MTTP: variants seen among roughly 807,000 people sequenced by gnomAD.
MTTP encodes the protein microsomal triglyceride transfer protein.
In MTTP, 49 loss-of-function variants were observed where a neutral mutation model predicts 90.6. That is an observed-to-expected ratio of 0.54 (90% confidence interval 0.43 to 0.69). MTTP has a LOEUF of 0.69. Among genes scored for constraint, MTTP ranks in the 30% least tolerant of loss-of-function variants. MTTP has a pLI of 0.00. For synonymous variants in MTTP, 347 were observed against 384.2 expected, an observed-to-expected ratio of 0.90 and a Z score of 1.13; for missense variants, 945 against 1,067.5, an observed-to-expected ratio of 0.89 and a Z score of 1.60.
chr4:99,608,643 G>A (rs1725877141), intron 11 of MTTP, 123 bp from the exon 12 acceptor site: 1 of 814,366 alleles, frequency 1.2e-6, no homozygotes, highest in Non-Finnish European at 2.1e-6. Context: ...AAATCACAAA[G>A]GAATCTGGGA....
In MTTP at chr4:99,591,844, T is replaced by C; in HGVS notation, c.758+54T>C. 2.1e-6 allele frequency: 3 copies of C among 1,449,234 alleles called. No individual in the cohort carries two copies. In the South Asian group the frequency reaches 3.6e-5, roughly 17 times the overall value. 89.8% of individuals were successfully genotyped at this position (1,449,234 alleles called of 1,614,324 possible). A position where few individuals can be genotyped will look rare whatever the true frequency, so the allele number is the denominator to read the frequency against. ...TTTGCTATTCTTTGTTATATTATTATACTTGATTTGTAAATAGATCTGTGT... is the reference window on the plus strand; with the variant it reads ...TTTGCTATTCTTTGTTATATTATTACACTTGATTTGTAAATAGATCTGTGT... On this transcript the variant is annotated intron_variant, in intron 6 of 17. Transcript: ENST00000265517.
chr4:99,578,480 C>T (rs1195751351), intron 1 of MTTP, among the ~76,000 whole-genome samples: 1 of 152,204 alleles, frequency 6.6e-6, no homozygotes, highest in Non-Finnish European at 1.5e-5. Flanking sequence ...CACTCTAGCA[C>T]AGTCCACCTT....
chr4:99,616,145 G>A (rs1016088749), intron 15 of MTTP, among the ~76,000 whole-genome samples: 5 of 152,192 alleles, frequency 3.3e-5, no homozygotes, highest in Non-Finnish European at 7.3e-5. Context: ...TGTAATCCCA[G>A]CACTTTGGGT....
In MTTP at chr4:99,612,979, C is replaced by T. The variant is rs781286289; in HGVS notation, c.2056C>T (p.Leu686Phe). 1.9e-6 allele frequency: 3 copies of T among 1,614,046 alleles called. No individual in the cohort carries two copies. Among genetic ancestry groups the T allele is most frequent in the South Asian group, 1.1e-5 (1 of 91,082 alleles). ...CACCCCTGACGAGGGGGAGGAGAAC[C>T]TTGACTCCTATGCTGGTATGTCAGC... ...AATPDEGEENLDSYAGMSAIL... is the reference protein window; with the variant it reads ...AATPDEGEENFDSYAGMSAIL... Residue 686 changes from leucine to phenylalanine, a missense_variant, in exon 15 of 18, where the codon CTT becomes TTT. Leu to Phe is a conservative substitution (Grantham distance 22). Coordinates refer to ENST00000265517, the MANE Select transcript of MTTP (RefSeq NM_001386140.1).
rs2110238174 is a variant in MTTP, at chr4:99,620,965, G to C, written c.2343-96G>C. 4 of 1,161,830 alleles carry C rather than the reference G, an allele frequency of 3.4e-6. No individual in the cohort carries two copies. In the East Asian group the frequency reaches 1.0e-4, roughly 29 times the overall value. The allele number at this position is 1,161,830 out of a possible 1,614,324, so 72.0% of individuals were successfully genotyped here. ...CTTAAGTGTTTCCTTCCAGTCACTG[G>C]CATCATACGTTCAGACCCTGTAAAG... is the stretch of plus-strand genomic sequence containing the variant. On this transcript the variant is annotated intron_variant, in intron 16 of 17. Coordinates refer to ENST00000265517, the MANE Select transcript of MTTP (RefSeq NM_001386140.1).
rs757430483 is a variant in MTTP at position 99,601,721 on chromosome 4, G to A, written c.1344+7G>A. On this transcript the variant is annotated splice_region_variant and intron_variant, in intron 10 of 17. Transcript: ENST00000265517. ...TGAAGGCTGCAAACTCAAAGTAAGT[G>A]CAAATCCAATCTCATGTATTACATC... 2 of 1,593,964 alleles carry A rather than the reference G, an allele frequency of 1.3e-6. No individual in the cohort carries two copies. The highest frequency in any genetic ancestry group is 1.1e-5 in the South Asian group (1 of 90,720).
Position 99,611,437 on chromosome 4 carries a change from G to C in MTTP, c.1973G>C (p.Gly658Ala), listed in dbSNP as rs751863175. Residue 658 changes from glycine to alanine, a missense_variant, in exon 14 of 18, where the codon GGT (glycine) becomes GCT (alanine). Coordinates refer to ENST00000265517, the MANE Select transcript of MTTP (RefSeq NM_001386140.1). ...ATCTTTCAGTACATTGGGAAGGCTGGTCTTCACGGTAGCCAGGTAACTCAC... is the reference window on the plus strand; with the variant it reads ...ATCTTTCAGTACATTGGGAAGGCTGCTCTTCACGGTAGCCAGGTAACTCAC... ...LNIFQYIGKA[G>A]LHGSQVVIEA... 4 of 1,614,084 alleles carry C rather than the reference G, an allele frequency of 2.5e-6. No homozygotes were observed. The Admixed American group carries it at 6.7e-5, about 27-fold the overall frequency.
At chr4:99,619,214 T>C (rs1375688087) in intron 16 of MTTP, 116 bp downstream of exon 16, 1 of 1,022,138 alleles carries the variant, frequency 9.8e-7, no homozygotes, top group Non-Finnish European at 1.5e-6. Flanking sequence ...GCTTTCTATT[T>C]GGAATTATAA....
chr4:99,589,500 A>G, intron 3 of MTTP, 143 bp from the exon 4 acceptor site: 1 of 661,626 alleles, frequency 1.5e-6, no homozygotes, highest in South Asian at 1.6e-5. Context: ...TTTTCACAAA[A>G]AGGAAATTCC....
At chr4:99,619,162 A>T in intron 16 of MTTP, 64 bp downstream of exon 16, 8 of 1,451,766 alleles carry the variant, frequency 5.5e-6, no homozygotes, top group Non-Finnish European at 7.7e-6. Flanking sequence ...GAACTTCCGA[A>T]ATATGTTTTG....
intron 3 of MTTP, among the ~76,000 whole-genome samples, chr4:99,585,297 T>C (rs930934180): frequency 2.6e-5 from 4 of 152,132 alleles, no homozygotes; most frequent in Non-Finnish European, 5.9e-5. Flanking sequence ...ATCAACCTCT[T>C]GTGATAGATG....
intron 3 of MTTP, among the ~76,000 whole-genome samples, chr4:99,585,918 T>G (rs1254337729): frequency 1.3e-5 from 2 of 152,168 alleles, no homozygotes; most frequent in East Asian, 3.9e-4. Flanking sequence ...CATGTCACTG[T>G]CAGAAAGATC....
chr4:99,572,811 T>A (rs1724868679), upstream of MTTP, among the ~76,000 whole-genome samples: 1 of 152,110 alleles, frequency 6.6e-6, no homozygotes, highest in South Asian at 2.1e-4. Context: ...GCTTTGGCAT[T>A]CTTATGTCAT....
rs375598284 is a variant in MTTP, at chr4:99,606,997, G to GA, written c.1557+48dup. ...AAGAATATTTGCAACATTTACAGAA[G>GA]AAAAAAAAAAAGCATGCTGAACATG... On this transcript the variant is annotated intron_variant, in intron 11 of 17. Coordinates refer to ENST00000265517, the MANE Select transcript of MTTP (RefSeq NM_001386140.1). 0.073 allele frequency: 79,058 copies of GA among 1,076,658 alleles called. 231 individuals are homozygous for GA. Among genetic ancestry groups the GA allele is most frequent in the Middle Eastern group, 0.15 (652 of 4,442 alleles). The allele number at this position is 1,076,658 out of a possible 1,614,324, so 66.7% of individuals were successfully genotyped here.
rs545365701 is a variant in MTTP, at chr4:99,623,283, GA to G, written c.*454del. ...AAAACCAAACACGTTCCCTAATCAG[GA>G]AAAAAAAAAAAAAAAAAAGTAAGAC... On this transcript the variant is annotated 3_prime_UTR_variant, in exon 18 of 18. Coordinates refer to ENST00000265517, the MANE Select transcript of MTTP (RefSeq NM_001386140.1). 1,003 of 103,952 alleles carry G rather than the reference GA, an allele frequency of 9.6e-3. 4 individuals are homozygous for G. Among genetic ancestry groups the G allele is most frequent in the African/African-American group, 0.021 (586 of 27,910 alleles). The allele number at this position is 103,952 out of a possible 1,614,324, so 6.4% of individuals were successfully genotyped here. A position where few individuals can be genotyped will look rare whatever the true frequency, so the allele number is the denominator to read the frequency against.
At chr4:99,566,078 A>G (rs1363212327) in intron 1 of MTTP, among the ~76,000 whole-genome samples, 4 of 151,884 alleles carry the variant, frequency 2.6e-5, no homozygotes, top group African/African-American at 9.7e-5. Flanking sequence ...TCACGAGGTC[A>G]GGAGATCAAG....
chr4:99,623,822 G>A lies in MTTP; in HGVS notation c.*974G>A, dbSNP rs1726305227. The A allele has an allele frequency of 6.6e-6, 1 of 152,096 alleles. No homozygotes were observed. The highest frequency in any genetic ancestry group is 1.5e-5 in the Non-Finnish European group (1 of 68,014). The allele number at this position is 152,096 out of a possible 1,614,324, so 9.4% of individuals were successfully genotyped here. A position where few individuals can be genotyped will look rare whatever the true frequency, so the allele number is the denominator to read the frequency against. On this transcript the variant is annotated 3_prime_UTR_variant, in exon 18 of 18. Coordinates refer to ENST00000265517, the MANE Select transcript of MTTP (RefSeq NM_001386140.1). ...ATGTTTTTATTTGTATGAATTAAAA[G>A]ATCCATGTTGAACATTTGCAAATAT... is the stretch of plus-strand genomic sequence containing the variant.
Position 99,594,735 on chromosome 4 carries a change from A to G in MTTP, c.761A>G (p.Gln254Arg), listed in dbSNP as rs1166654928. The change falls in exon 7 of 18, where the codon CAG becomes CGG. Residue 254 changes from glutamine (Q) to arginine (R), a missense_variant and splice_region_variant. Transcript: ENST00000265517. ...CATTTCCCTTTGGTATTATGCAGGC[A>G]GAAATTAGAGCTGAAGACAACCGAA... ...QTIKGKIVSKQKLELKTTEAG... is the reference protein window; with the variant it reads ...QTIKGKIVSKRKLELKTTEAG... 3.1e-6 allele frequency: 5 copies of G among 1,613,972 alleles called. No homozygotes were observed. Among genetic ancestry groups the G allele is most frequent in the Non-Finnish European group, 4.2e-6 (5 of 1,179,868 alleles).
At chr4:99,593,189 A>G (rs1360615209) in intron 6 of MTTP, among the ~76,000 whole-genome samples, 1 of 152,176 alleles carries the variant, frequency 6.6e-6, no homozygotes, top group African/African-American at 2.4e-5. Flanking sequence ...TATTTTTTAC[A>G]TCATCTACAA....
Sources: gnomAD v4.1 joint callset for allele counts (sites outside exome capture counted in the v4.1 genomes callset) on GRCh38, gnomAD v4.1.1 for gene constraint, MANE v1.5 for transcripts, NCBI Gene and HGNC (gene_info 2026-07-23, HGNC 2026-07-21) for gene names.